Variants in BID observed in about 807,000 individuals in gnomAD.
The protein encoded by BID is BH3 interacting domain death agonist, also known as BH3-interacting domain death agonist.
BID carries 19 observed loss-of-function variants against 17.4 expected under a neutral mutation model. The ratio of observed to expected loss-of-function variants is 1.09; its 90% CI spans 0.76 to 1.60. The LOEUF (loss-of-function observed/expected upper bound fraction) is 1.60, where lower values mean the gene tolerates loss of function less well. BID is among the 40% of genes most tolerant of loss of function. The probability of loss-of-function intolerance (pLI) is 0.00; values close to 1 mark genes in which losing one functional copy is unlikely to be tolerated. For synonymous variants in BID, 108 were observed against 102.8 expected (o/e 1.05, Z -0.31); for missense variants, 226 against 256.0 (o/e 0.88, Z 0.80).
chr22:17,748,864 C>A (rs2061515896), intron 2 of BID, among the ~76,000 whole-genome samples: 1 of 152,254 alleles, frequency 6.6e-6, no homozygotes, highest in African/African-American at 2.4e-5. Flanking sequence ...GACAGTGGCA[C>A]CCAGAGTGGT....
At chr22:17,753,996 CAG>C (rs570358371) in intron 1 of BID, among the ~76,000 whole-genome samples, 399 of 149,366 alleles carry the variant, frequency 2.7e-3, no homozygotes, top group Non-Finnish European at 3.6e-3. Context: ...CTCTGCCGGA[CAG>C]GGGTGACATT....
chr22:17,751,443 TA>T (rs1296868439), intron 1 of BID, among the ~76,000 whole-genome samples: 2 of 152,086 alleles, frequency 1.3e-5, no homozygotes, highest in Non-Finnish European at 2.9e-5. Context: ...AATCCTGTTT[TA>T]AAAAGTATTT....
upstream of BID, chr22:17,774,509 C>T (rs1390829553): frequency 4.8e-6 from 1 of 207,010 alleles, no homozygotes; most frequent in Admixed American, 4.9e-5. Flanking sequence ...CCCCCACGCC[C>T]GGGCCCGCCC....
At chr22:17,743,459 G>A (rs1417451766) in intron 3 of BID, among the ~76,000 whole-genome samples, 2 of 152,182 alleles carry the variant, frequency 1.3e-5, no homozygotes, top group Non-Finnish European at 2.9e-5. Context: ...CCAGACAAGT[G>A]GTCTGCAATC....
chr22:17,744,458 G>A (rs562601090), intron 2 of BID, among the ~76,000 whole-genome samples: 114 of 152,384 alleles, frequency 7.5e-4, no homozygotes, highest in South Asian at 1.4e-3. Flanking sequence ...TCCAACAGGC[G>A]GAGCCTCTTT....
intron 5 of BID, 37 bp from the exon 6 acceptor site, chr22:17,735,628 G>T (rs2061413694): frequency 6.2e-7 from 1 of 1,613,880 alleles, no homozygotes; most frequent in Non-Finnish European, 8.5e-7. Flanking sequence ...GAATCAGCTA[G>T]GCTCATTCAC....
chr22:17,755,763 G>A (rs1171801410), intron 1 of BID, among the ~76,000 whole-genome samples: 1 of 146,218 alleles, frequency 6.8e-6, no homozygotes, highest in Non-Finnish European at 1.5e-5. Flanking sequence ...TCGCACTACT[G>A]CACTACAGCC....
chr22:17,742,966 T>C (rs563644394), intron 3 of BID, among the ~76,000 whole-genome samples: 1 of 152,226 alleles, frequency 6.6e-6, no homozygotes, highest in South Asian at 2.1e-4. Flanking sequence ...AGGTGAACAG[T>C]CTGGAAACCA....
In BID at chr22:17,734,804, A is replaced by G. The variant is rs1457673261; in HGVS notation, c.*776T>C. 1 of 152,218 alleles carries G rather than the reference A, an allele frequency of 6.6e-6. No homozygotes were observed. Among genetic ancestry groups the G allele is most frequent in the African/African-American group, 2.4e-5 (1 of 41,458 alleles). The allele number at this position is 152,218 out of a possible 1,614,324, so 9.4% of individuals were successfully genotyped here. On this transcript the variant is annotated 3_prime_UTR_variant, in exon 6 of 6. Transcript: ENST00000622694. ...GCTTCATGTCTTTAGCAAAGTCTTG[A>G]TGTCATGGAAAGAGAAAAAGTGTAT...
intron 3 of BID, chr22:17,740,707 G>A (rs2061453435): frequency 6.3e-6 from 1 of 159,530 alleles, no homozygotes; most frequent in Admixed American, 6.0e-5. Flanking sequence ...GATTACAGGT[G>A]TGAGCCACTG....
At chr22:17,743,475 A>G (rs1029093395) in intron 3 of BID, among the ~76,000 whole-genome samples, 3 of 152,246 alleles carry the variant, frequency 2.0e-5, no homozygotes, top group Non-Finnish European at 4.4e-5. Flanking sequence ...CAATCTTTGT[A>G]TCAGAATCAC....
At chr22:17,745,690 G>C (rs559243390) in intron 2 of BID, among the ~76,000 whole-genome samples, 1 of 151,890 alleles carries the variant, frequency 6.6e-6, no homozygotes, top group Admixed American at 6.6e-5. Context: ...GAGCTTGGCC[G>C]GGCGCGGTGG....
At chr22:17,755,627 C>A (rs192054706) in intron 1 of BID, among the ~76,000 whole-genome samples, 72 of 151,906 alleles carry the variant, frequency 4.7e-4, no homozygotes, top group Middle Eastern at 6.8e-3. Flanking sequence ...ATGGTGAAAC[C>A]TTGTCTCTGC....
chr22:17,753,851 G>A (rs561727631), intron 1 of BID, among the ~76,000 whole-genome samples: 2 of 152,362 alleles, frequency 1.3e-5, no homozygotes, highest in African/African-American at 4.8e-5. Context: ...CAAGGCCCTC[G>A]CAGTGAGCAG....
intron 2 of BID, among the ~76,000 whole-genome samples, chr22:17,747,113 T>C (rs2061499937): frequency 6.6e-6 from 1 of 151,712 alleles, no homozygotes; most frequent in Admixed American, 6.6e-5. Context: ...CCAGAGGAGG[T>C]CTAGGTGCCG....
At chr22:17,756,908 T>A (rs1336410897) in intron 1 of BID, among the ~76,000 whole-genome samples, 2 of 151,952 alleles carry the variant, frequency 1.3e-5, no homozygotes, top group African/African-American at 4.8e-5. Flanking sequence ...GCAGGACTCA[T>A]GAGACTGACC....
At chr22:17,761,747 T>A (rs532726349) in intron 1 of BID, among the ~76,000 whole-genome samples, 4 of 152,272 alleles carry the variant, frequency 2.6e-5, no homozygotes, top group South Asian at 2.1e-4. Flanking sequence ...ATCTTTCACT[T>A]TGAAGGCAAA....
chr22:17,743,773 T>G, intron 3 of BID, 30 bp downstream of exon 3: 1 of 1,585,976 alleles, frequency 6.3e-7, no homozygotes, highest in South Asian at 1.1e-5. Context: ...AAGCCCAGCT[T>G]TGGGGAAGGA....
intron 1 of BID, among the ~76,000 whole-genome samples, chr22:17,768,418 G>A (rs1015399590): frequency 8.5e-5 from 13 of 152,212 alleles, no homozygotes; most frequent in East Asian, 1.9e-4. Context: ...TTTGTGACCC[G>A]GGAGTCCTGC....
Sources: gnomAD v4.1 joint callset for allele counts (sites outside exome capture counted in the v4.1 genomes callset) on GRCh38, gnomAD v4.1.1 for gene constraint, MANE v1.5 for transcripts, NCBI Gene and HGNC (gene_info 2026-07-23, HGNC 2026-07-21) for gene names.